Variants in S100Z observed in about 807,000 individuals in gnomAD.
S100Z encodes protein S100-Z.
S100Z carries 11 observed loss-of-function variants against 8.5 expected under a neutral mutation model. The observed-to-expected ratio is 1.30, with a 90% CI of 0.82 to 2.15. The LOEUF is 2.15. S100Z is among the 30% of genes most tolerant of loss of function. The pLI, the probability that S100Z is intolerant of heterozygous loss-of-function variation, is 0.00. For synonymous variants in S100Z, 34 were observed against 43.8 expected, an observed-to-expected ratio of 0.78 and a Z score of 0.89; for missense variants, 126 against 117.9, an observed-to-expected ratio of 1.07 and a Z score of -0.32.
chr5:76,927,680 G>A, the S100Z span, among the ~76,000 whole-genome samples: 8 of 152,296 alleles, frequency 5.3e-5, no homozygotes, highest in East Asian at 1.5e-3. Context: ...GAAGAAATAA[G>A]GAATTAAATT....
At chr5:76,879,896 G>A (rs186433500) in intron 4 of S100Z, among the ~76,000 whole-genome samples, 1 of 152,290 alleles carries the variant, frequency 6.6e-6, no homozygotes, top group Admixed American at 6.5e-5. Context: ...TGGGAAGGTG[G>A]AGGTTGTCTC....
chr5:76,947,670 T>C, the S100Z span, among the ~76,000 whole-genome samples: 17 of 152,132 alleles, frequency 1.1e-4, no homozygotes, highest in Admixed American at 8.5e-4. Context: ...GACAGACATA[T>C]AGACCAATTG....
intron 1 of S100Z, among the ~76,000 whole-genome samples, chr5:76,866,135 A>C (rs897331383): frequency 6.8e-6 from 1 of 146,244 alleles, no homozygotes; most frequent in South Asian, 2.1e-4. Flanking sequence ...CCCAGGCTGG[A>C]GTGCAGTGTA....
chr5:76,866,583 T>A (rs1356171833), intron 1 of S100Z, among the ~76,000 whole-genome samples: 1 of 152,206 alleles, frequency 6.6e-6, no homozygotes, highest in Non-Finnish European at 1.5e-5. Flanking sequence ...ATTTTTTTTA[T>A]CTTTTATACA....
At chr5:76,932,345 C>T in the S100Z span, among the ~76,000 whole-genome samples, 5 of 152,032 alleles carry the variant, frequency 3.3e-5, no homozygotes, top group Non-Finnish European at 5.9e-5. Context: ...ACGATGAGAC[C>T]GAAGTGAAGA....
At chr5:76,888,524 C>T (rs900971280) in intron 4 of S100Z, among the ~76,000 whole-genome samples, 12 of 151,224 alleles carry the variant, frequency 7.9e-5, no homozygotes, top group Admixed American at 2.6e-4. Context: ...TACAGGCACT[C>T]GCCACCATGC....
chr5:76,861,590 C>T (rs1203380986), intron 1 of S100Z, among the ~76,000 whole-genome samples: 1 of 152,198 alleles, frequency 6.6e-6, no homozygotes, highest in Non-Finnish European at 1.5e-5. Flanking sequence ...CTACCCACCT[C>T]AGCCTCCCAA....
chr5:76,854,506 A>C (rs1461751064), intron 1 of S100Z, among the ~76,000 whole-genome samples: 1 of 152,194 alleles, frequency 6.6e-6, no homozygotes. Flanking sequence ...TTTGAACTTG[A>C]GAGTGATGAT....
the S100Z span, among the ~76,000 whole-genome samples, chr5:76,942,445 C>CAAAAAAAAAAAAAA: frequency 1.1e-3 from 79 of 72,696 alleles, no homozygotes; most frequent in Non-Finnish European, 1.0e-3. Context: ...AAAAAAAAAG[C>CAAAAAAAAAAAAAA]AAAAACCTCT....
intron 1 of S100Z, among the ~76,000 whole-genome samples, chr5:76,861,928 G>A (rs1432863948): frequency 2.0e-5 from 3 of 152,074 alleles, no homozygotes. Context: ...AGCCTTCATG[G>A]TTAGGGATTT....
chr5:76,894,689 G>C (rs1380216671), intron 4 of S100Z, among the ~76,000 whole-genome samples: 1 of 150,242 alleles, frequency 6.7e-6, no homozygotes, highest in Non-Finnish European at 1.5e-5. Context: ...TCCACCTCCC[G>C]GGTTCAAGTG....
chr5:76,919,290 A>G (rs1744958563), intron 4 of S100Z, among the ~76,000 whole-genome samples: 1 of 152,116 alleles, frequency 6.6e-6, no homozygotes, highest in South Asian at 2.1e-4. Flanking sequence ...TGGCAGTGCC[A>G]TTTTGCATTG....
intron 1 of S100Z, among the ~76,000 whole-genome samples, chr5:76,867,580 C>G (rs1742807793): frequency 6.7e-6 from 1 of 150,090 alleles, no homozygotes; most frequent in Non-Finnish European, 1.5e-5. Context: ...TAAAATCATC[C>G]TTACTTTTTT....
rs148474310 is a variant in S100Z, at chr5:76,877,799, CT to C, written c.270del (p.Phe90LeufsTer2). 611 of 1,613,166 alleles carry C rather than the reference CT, an allele frequency of 3.8e-4. 5 individuals are homozygous for C. The East Asian group carries it at 0.013, about 35-fold the overall frequency. ...AALTVACNDY[F>X]VEQLKKKGK ...CTCTGACAGTTGCTTGTAATGATTA[CT>C]TTGTAGAACAATTGAAGAAGAAAGG... On this transcript the variant is annotated frameshift_variant, in exon 4 of 5. Coordinates refer to ENST00000317593, the MANE Select transcript of S100Z (RefSeq NM_130772.4). LOFTEE classifies it high-confidence loss of function.
the S100Z span, among the ~76,000 whole-genome samples, chr5:76,927,834 C>A: frequency 6.6e-6 from 1 of 152,068 alleles, no homozygotes; most frequent in Non-Finnish European, 1.5e-5. Flanking sequence ...GGTTAGTATC[C>A]TCATTTCGTA....
intron 4 of S100Z, among the ~76,000 whole-genome samples, chr5:76,886,356 G>A (rs1743631032): frequency 6.6e-6 from 1 of 152,226 alleles, no homozygotes; most frequent in Non-Finnish European, 1.5e-5. Context: ...AGAAGGGACA[G>A]ATTGAAGGGT....
At chr5:76,943,760 C>T in the S100Z span, among the ~76,000 whole-genome samples, 21 of 89,952 alleles carry the variant, frequency 2.3e-4, no homozygotes, top group South Asian at 5.0e-4. Flanking sequence ...ACATCCTTCA[C>T]CTTAGAGATG....
intron 4 of S100Z, among the ~76,000 whole-genome samples, chr5:76,894,825 G>T (rs372239993): frequency 3.7e-4 from 56 of 152,128 alleles, no homozygotes; most frequent in African/African-American, 1.3e-3. Context: ...CTGACCTCAG[G>T]TGATCCACCC....
chr5:76,888,077 G>A (rs982654852), intron 4 of S100Z, among the ~76,000 whole-genome samples: 28 of 151,742 alleles, frequency 1.8e-4, no homozygotes, highest in African/African-American at 6.5e-4. Flanking sequence ...TTAATATGGT[G>A]AAACCCCATC....
Sources: allele counts gnomAD v4.1 joint callset (sites outside exome capture counted in the v4.1 genomes callset), GRCh38; gene constraint gnomAD v4.1.1; transcripts MANE v1.5; gene names NCBI Gene and HGNC (gene_info 2026-07-23, HGNC 2026-07-21).